OPTC: variants seen among roughly 807,000 people sequenced by gnomAD.
OPTC encodes oculoglycan.
A neutral mutation model predicts 25.4 loss-of-function variants in OPTC; 22 were observed. The ratio of observed to expected loss-of-function variants is 0.87; its 90% CI spans 0.62 to 1.24. OPTC has a LOEUF of 1.24. Ranked by LOEUF, OPTC falls within the 50% of genes most tolerant of loss-of-function variation. The probability of loss-of-function intolerance (pLI) is 0.00; values close to 1 mark genes in which losing one functional copy is unlikely to be tolerated. For synonymous variants in OPTC, 169 were observed against 179.3 expected, an observed-to-expected ratio of 0.94 and a Z score of 0.46; for missense variants, 417 against 425.2, an observed-to-expected ratio of 0.98 and a Z score of 0.17.
At chr1:203,504,172 T>G (rs2102225184) in intron 7 of OPTC, among the ~76,000 whole-genome samples, 1 of 152,314 alleles carries the variant, frequency 6.6e-6, no homozygotes, top group African/African-American at 2.4e-5. Context: ...TTTTCCAGAA[T>G]TTTGCAAGTC....
intron 1 of OPTC, 43 bp from the exon 2 acceptor site, chr1:203,495,922 C>G (rs1026588578): frequency 1.1e-6 from 1 of 885,132 alleles, no homozygotes; most frequent in South Asian, 1.4e-5. Flanking sequence ...CTCTGGAGAG[C>G]CTGTCCCTCA....
chr1:203,503,364 C>G (rs781255835), intron 6 of OPTC, among the ~76,000 whole-genome samples, 186 bp from the exon 7 acceptor site: 5 of 152,114 alleles, frequency 3.3e-5, no homozygotes, highest in Non-Finnish European at 5.9e-5. Flanking sequence ...TGTGCCCTCT[C>G]TCTCCATCCA....
chr1:203,503,451 G>C (rs1287228412), intron 6 of OPTC, 99 bp from the exon 7 acceptor site: 3 of 1,231,232 alleles, frequency 2.4e-6, no homozygotes, highest in Non-Finnish European at 3.6e-6. Context: ...AGTTGCACCA[G>C]AGCAGGCAGA....
chr1:203,505,948 C>CTGTGTG (rs560311633), intron 7 of OPTC, among the ~76,000 whole-genome samples: 87 of 140,818 alleles, frequency 6.2e-4, no homozygotes, highest in Middle Eastern at 3.8e-3. Flanking sequence ...CTCTCTCTCT[C>CTGTGTG]AGAGTGTGTG....
At chr1:203,496,929 C>T (rs1461535772) in intron 2 of OPTC, 48 bp from the exon 3 acceptor site, 1 of 1,611,768 alleles carries the variant, frequency 6.2e-7, no homozygotes, top group Non-Finnish European at 8.5e-7. Flanking sequence ...AGTTAAGTCC[C>T]TTTTGTGCAA....
chr1:203,501,020 C>T (rs1025745197), intron 5 of OPTC, among the ~76,000 whole-genome samples: 2 of 152,274 alleles, frequency 1.3e-5, no homozygotes, highest in East Asian at 1.9e-4. Context: ...CCTAATTCTA[C>T]GTATCCTTTT....
chr1:203,504,425 G>A (rs1296124616), intron 7 of OPTC, among the ~76,000 whole-genome samples: 1 of 152,116 alleles, frequency 6.6e-6, no homozygotes, highest in Non-Finnish European at 1.5e-5. Context: ...TCATATCGGT[G>A]GTTTAAAATG....
intron 5 of OPTC, among the ~76,000 whole-genome samples, chr1:203,500,499 C>A (rs962805461): frequency 6.7e-6 from 1 of 149,738 alleles, no homozygotes; most frequent in Non-Finnish European, 1.5e-5. Context: ...CTGTACCACC[C>A]ACCTGCACTC....
rs1444658763 is a variant in OPTC at position 203,496,178 on chromosome 1, A to C, written c.173A>C (p.Glu58Ala). 2.5e-6 allele frequency: 4 copies of C among 1,614,164 alleles called. No individual in the cohort carries two copies. In the Admixed American group the frequency reaches 6.7e-5, roughly 27 times the overall value. The change falls in exon 2 of 8, where the codon GAA becomes GCA. Residue 58 changes from glutamate (E) to alanine (A), a missense_variant. Transcript: ENST00000367222. ...NDVLNPDNYG[E>A]VIDLSNYEEL... is the part of the protein sequence containing the mutation. The stretch of plus-strand genomic sequence containing the variant: ...GTCCTGAACCCAGACAACTATGGTG[A>C]AGTCATTGACCTGAGCAACTATGAG...
chr1:203,501,220 C>A (rs1661387049), intron 5 of OPTC, among the ~76,000 whole-genome samples: 1 of 152,130 alleles, frequency 6.6e-6, no homozygotes, highest in African/African-American at 2.4e-5. Flanking sequence ...CCTGCCTCGG[C>A]CTCCTGAGTA....
At chr1:203,498,035 C>T (rs146863993) in intron 3 of OPTC, among the ~76,000 whole-genome samples, 50 of 152,258 alleles carry the variant, frequency 3.3e-4, no homozygotes, top group African/African-American at 7.7e-4. Context: ...AAACCACCTG[C>T]GCTATTCAGT....
intron 4 of OPTC, 33 bp downstream of exon 4, chr1:203,498,872 G>A: frequency 6.2e-7 from 1 of 1,610,932 alleles, no homozygotes; most frequent in Non-Finnish European, 8.5e-7. Context: ...AGGAGTGGGG[G>A]CAGGCATATG....
At chr1:203,497,247 A>T in intron 3 of OPTC, 132 bp downstream of exon 3, 1 of 878,222 alleles carries the variant, frequency 1.1e-6, no homozygotes, top group South Asian at 1.4e-5. Flanking sequence ...CCTTACTAGC[A>T]GGGAGAGAAG....
chr1:203,495,672 G>A (rs1260565826), intron 1 of OPTC, among the ~76,000 whole-genome samples: 3 of 152,288 alleles, frequency 2.0e-5, no homozygotes, highest in East Asian at 3.9e-4. Context: ...TGTAAACAAG[G>A]GGACTCTTGT....
At chr1:203,506,145 CTTTTTTCTTTTT>C (rs1170813608) in intron 7 of OPTC, among the ~76,000 whole-genome samples, 2 of 89,464 alleles carry the variant, frequency 2.2e-5, no homozygotes, top group African/African-American at 7.7e-5. Context: ...ATCCAATTTT[CTTTTTTCTTTTT>C]TTTTTTTTTT....
rs780694890 is a variant in OPTC, at chr1:203,503,538, T to C, written c.829-12T>C. On this transcript the variant is annotated splice_polypyrimidine_tract_variant and intron_variant, in intron 6 of 7. Transcript: ENST00000367222. ...CTCTTGGTGAGGCTCAGCTGGTATG[T>C]GTTCTTCCCAGAATAACCTGATAGA... 18 of 1,613,088 alleles carry C rather than the reference T, an allele frequency of 1.1e-5. No individual in the cohort carries two copies. In the South Asian group the frequency reaches 1.5e-4, roughly 14 times the overall value.
rs1661290685 is a variant in OPTC at position 203,496,975 on chromosome 1, A to G, written c.232-2A>G. The G allele has an allele frequency of 1.2e-6, 2 of 1,613,938 alleles. No individual in the cohort carries two copies. Among genetic ancestry groups the G allele is most frequent in the Non-Finnish European group, 1.7e-6 (2 of 1,180,018 alleles). On this transcript the variant is annotated splice_acceptor_variant, in intron 2 of 7. Transcript: ENST00000367222. LOFTEE classifies it high-confidence loss of function. ...ACTGTGTACTCTGTGCTACATCTCC[A>G]GGTTAAGGTGACTAGCCTCGCTCCT...
At chr1:203,494,258 A>G (rs949047794) in intron 1 of OPTC, 41 bp downstream of exon 1, 1 of 152,078 alleles carries the variant, frequency 6.6e-6, no homozygotes, top group Non-Finnish European at 1.5e-5. Flanking sequence ...CGGTGCGCAA[A>G]TGAGGGCAAA....
At chr1:203,504,695 A>C (rs1283400670) in intron 7 of OPTC, among the ~76,000 whole-genome samples, 1 of 152,168 alleles carries the variant, frequency 6.6e-6, no homozygotes, top group Non-Finnish European at 1.5e-5. Flanking sequence ...ATAAGGATGG[A>C]GAACTGACAC....
Sources: gnomAD v4.1 joint callset for allele counts (sites outside exome capture counted in the v4.1 genomes callset) on GRCh38, gnomAD v4.1.1 for gene constraint, MANE v1.5 for transcripts, NCBI Gene and HGNC (gene_info 2026-07-23, HGNC 2026-07-21) for gene names.